Variants in CA10 observed in about 807,000 individuals in gnomAD.
CA10 encodes carbonic anhydrase-related protein 10.
CA10 carries 14 observed loss-of-function variants against 44.2 expected under a neutral mutation model. That is an observed-to-expected ratio of 0.32 (90% CI 0.21 to 0.50). The LOEUF is 0.50. Among genes scored for constraint, CA10 ranks in the 20% least tolerant of loss-of-function variants. The pLI is 0.99. For synonymous variants in CA10, 159 were observed against 141.6 expected (o/e 1.12, Z -0.87); for missense variants, 350 against 409.7 (o/e 0.85, Z 1.26).
intron 2 of CA10, among the ~76,000 whole-genome samples, chr17:51,975,633 C>T (rs919959070): frequency 6.6e-6 from 1 of 152,128 alleles, no homozygotes; most frequent in African/African-American, 2.4e-5. Context: ...GAGGCGAGAT[C>T]GCCTCACTGC....
intron 1 of CA10, among the ~76,000 whole-genome samples, chr17:52,112,135 C>A (rs1988800146): frequency 6.6e-6 from 1 of 151,488 alleles, no homozygotes; most frequent in Non-Finnish European, 1.5e-5. Context: ...CCCCAATTCA[C>A]CAGATTTCAT....
intron 2 of CA10, among the ~76,000 whole-genome samples, chr17:51,935,458 C>T (rs546549678): frequency 2.8e-4 from 43 of 152,296 alleles, no homozygotes; most frequent in African/African-American, 1.0e-3. Flanking sequence ...ATTCCATCAT[C>T]CTTGGCATCC....
At chr17:52,152,358 G>T (rs1385668831) in intron 1 of CA10, among the ~76,000 whole-genome samples, 2 of 152,096 alleles carry the variant, frequency 1.3e-5, no homozygotes, top group Non-Finnish European at 2.9e-5. Context: ...CCCTAAGTGG[G>T]CTCATCCCAA....
At chr17:51,859,936 G>A (rs1979228816) in intron 3 of CA10, among the ~76,000 whole-genome samples, 2 of 152,158 alleles carry the variant, frequency 1.3e-5, no homozygotes, top group African/African-American at 4.8e-5. Flanking sequence ...AGAGTGGTGA[G>A]ATTGGATAAG....
chr17:52,032,334 A>G (rs1286049554), intron 2 of CA10, among the ~76,000 whole-genome samples: 1 of 152,142 alleles, frequency 6.6e-6, no homozygotes, highest in Non-Finnish European at 1.5e-5. Flanking sequence ...CTTGAAGAGC[A>G]ATTCCTTTTA....
chr17:52,126,786 C>T (rs1989129421), intron 1 of CA10, among the ~76,000 whole-genome samples: 1 of 152,074 alleles, frequency 6.6e-6, no homozygotes, highest in Admixed American at 6.5e-5. Flanking sequence ...TTTAATTTTG[C>T]AACTGTTTGC....
chr17:51,844,551 C>A (rs368640790), intron 3 of CA10, among the ~76,000 whole-genome samples: 4 of 152,044 alleles, frequency 2.6e-5, no homozygotes, highest in Non-Finnish European at 4.4e-5. Flanking sequence ...CTTAAAATAG[C>A]GTTTTCTAGG....
chr17:51,891,452 C>T (rs537757632), intron 3 of CA10, among the ~76,000 whole-genome samples: 70 of 152,138 alleles, frequency 4.6e-4, no homozygotes, highest in African/African-American at 1.6e-3. Flanking sequence ...TAATAGTTAG[C>T]GATTTGGTTT....
chr17:52,010,330 C>T (rs182917637), intron 2 of CA10, among the ~76,000 whole-genome samples: 2 of 151,754 alleles, frequency 1.3e-5, no homozygotes, highest in Non-Finnish European at 2.9e-5. Context: ...TTTGCAATTG[C>T]AAAAATATGG....
At chr17:51,906,102 A>G (rs1981538706) in intron 3 of CA10, among the ~76,000 whole-genome samples, 1 of 152,124 alleles carries the variant, frequency 6.6e-6, no homozygotes, top group Non-Finnish European at 1.5e-5. Flanking sequence ...TCCCATCAGT[A>G]CAAGTATATC....
At chr17:51,838,126 T>C (rs1202048944) in intron 3 of CA10, among the ~76,000 whole-genome samples, 1 of 152,218 alleles carries the variant, frequency 6.6e-6, no homozygotes, top group Non-Finnish European at 1.5e-5. Flanking sequence ...TCATTCATTT[T>C]ACAAATATAC....
At chr17:51,872,201 T>C (rs1479298954) in intron 3 of CA10, among the ~76,000 whole-genome samples, 1 of 152,186 alleles carries the variant, frequency 6.6e-6, no homozygotes, top group East Asian at 1.9e-4. Flanking sequence ...AGAATGGAAA[T>C]ACATTTCCTT....
At chr17:51,890,879 G>T (rs1173234191) in intron 3 of CA10, among the ~76,000 whole-genome samples, 1 of 152,136 alleles carries the variant, frequency 6.6e-6, no homozygotes, top group Non-Finnish European at 1.5e-5. Context: ...GTCAAGGAGA[G>T]AATTAAAAAC....
chr17:51,820,533 C>G (rs556653235), intron 3 of CA10, among the ~76,000 whole-genome samples: 1 of 151,476 alleles, frequency 6.6e-6, no homozygotes, highest in Non-Finnish European at 1.5e-5. Context: ...AAATCTCTGA[C>G]GCACAAACCC....
chr17:51,990,544 A>G (rs554741250), intron 2 of CA10, among the ~76,000 whole-genome samples: 42 of 152,242 alleles, frequency 2.8e-4, no homozygotes, highest in African/African-American at 9.9e-4. Flanking sequence ...TACAAAACTG[A>G]GATAATTCTA....
chr17:52,132,236 C>T (rs932833396), intron 1 of CA10, among the ~76,000 whole-genome samples: 6 of 151,820 alleles, frequency 4.0e-5, no homozygotes, highest in Non-Finnish European at 5.9e-5. Context: ...AGCTTGTCCC[C>T]AAGAGCTGTG....
In CA10 at chr17:51,975,012, A is replaced by G. The variant is rs539363874; in HGVS notation, c.137-43880T>C. 3.9e-5 allele frequency among the ~76,000 whole-genome samples: 6 copies of G among 152,216 alleles called. 1 individual carries two copies. The highest frequency in any genetic ancestry group is 8.8e-5 in the Non-Finnish European group (6 of 68,032). On this transcript the variant is annotated intron_variant, in intron 2 of 8. Transcript: ENST00000451037. ...AATTGCACAAGAAATGGTAAAATGTATAGGTAAATAAAACTTGTGTTTCTT... is the reference window on the plus strand; with the variant it reads ...AATTGCACAAGAAATGGTAAAATGTGTAGGTAAATAAAACTTGTGTTTCTT...
At chr17:52,041,292 G>A (rs544477428) in intron 2 of CA10, among the ~76,000 whole-genome samples, 59 of 152,076 alleles carry the variant, frequency 3.9e-4, no homozygotes, top group African/African-American at 1.4e-3. Flanking sequence ...ACCAATCAAT[G>A]GCAACAAAAG....
chr17:52,088,525 C>A (rs1988178393), intron 1 of CA10, among the ~76,000 whole-genome samples: 2 of 152,252 alleles, frequency 1.3e-5, no homozygotes, highest in South Asian at 2.1e-4. Flanking sequence ...CCATTATTCA[C>A]CTCCAGCACT....
Sources: gnomAD v4.1 joint callset for allele counts (sites outside exome capture counted in the v4.1 genomes callset) on GRCh38, gnomAD v4.1.1 for gene constraint, MANE v1.5 for transcripts, NCBI Gene and HGNC (gene_info 2026-07-23, HGNC 2026-07-21) for gene names.